The following SRSF11 variants were observed in gnomAD, a reference collection of about 807,000 sequenced individuals.
SRSF11 encodes the protein serine/arginine-rich splicing factor 11.
Under a neutral mutation model 56.0 loss-of-function variants are expected in SRSF11, and 9 were observed. That is an observed-to-expected ratio of 0.16 (90% CI 0.10 to 0.28). The LOEUF is 0.28. SRSF11 is among the 10% of genes least tolerant of loss of function. SRSF11 has a pLI of 1.00. For synonymous variants in SRSF11, 222 were observed against 215.3 expected, an observed-to-expected ratio of 1.03 and a Z score of -0.27; for missense variants, 421 against 600.7, an observed-to-expected ratio of 0.70 and a Z score of 3.13.
At chr1:70,243,336 CAAAAAAAAAAAAAAAAAA>C (rs56098296) in intron 7 of SRSF11, among the ~76,000 whole-genome samples, 1,376 of 32,604 alleles carry the variant, frequency 0.042, 67 homozygotes, top group Admixed American at 0.22. Context: ...TGGTTGGTGG[CAAAAAAAAAAAAAAAAAA>C]AAAAAAAAAA....
At chr1:70,233,918 A>T (rs1673389076) in intron 3 of SRSF11, among the ~76,000 whole-genome samples, 1 of 152,234 alleles carries the variant, frequency 6.6e-6, no homozygotes, top group Admixed American at 6.5e-5. Flanking sequence ...TCTAATGAAT[A>T]CAGGAATCAC....
At chr1:70,220,144 G>A (rs1274991668), upstream of SRSF11, among the ~76,000 whole-genome samples, 2 of 152,192 alleles carry the variant, frequency 1.3e-5, no homozygotes, top group East Asian at 3.8e-4. Context: ...ACAACTTTGA[G>A]TGATACATGT....
At chr1:70,216,542 C>T (rs1440322690), upstream of SRSF11, among the ~76,000 whole-genome samples, 2 of 151,974 alleles carry the variant, frequency 1.3e-5, no homozygotes, top group Admixed American at 1.3e-4. Flanking sequence ...AGGTGATCCT[C>T]CACTTCAGCC....
At chr1:70,236,375 A>G (rs1177086996) in intron 5 of SRSF11, among the ~76,000 whole-genome samples, 29 of 146,584 alleles carry the variant, frequency 2.0e-4, no homozygotes, top group African/African-American at 6.4e-4. Flanking sequence ...CTGTTGCCCA[A>G]CCTGGAGTGC....
At chr1:70,218,066 G>T (rs911546591), upstream of SRSF11, among the ~76,000 whole-genome samples, 3 of 151,998 alleles carry the variant, frequency 2.0e-5, no homozygotes, top group Non-Finnish European at 4.4e-5. Flanking sequence ...CTCGGTTCAC[G>T]CCATTCTCCC....
intron 2 of SRSF11, chr1:70,230,669 CTT>C: frequency 2.4e-6 from 3 of 1,229,500 alleles, no homozygotes; most frequent in South Asian, 1.4e-5. Context: ...TTTAAATAGT[CTT>C]TTTTTAATCA....
At chr1:70,216,213 A>G (rs917810281) in intron 1 of SRSF11, among the ~76,000 whole-genome samples, 6 of 152,212 alleles carry the variant, frequency 3.9e-5, no homozygotes, top group African/African-American at 1.4e-4. Context: ...ACGGATGTGT[A>G]TAAAGCCTCA....
upstream of SRSF11, among the ~76,000 whole-genome samples, chr1:70,220,639 C>G (rs1462791734): frequency 6.6e-6 from 1 of 152,106 alleles, no homozygotes; most frequent in Non-Finnish European, 1.5e-5. Flanking sequence ...CACCAGAGGT[C>G]AGGAGTTGGA....
At chr1:70,223,815 A>C (rs1458399736) in intron 1 of SRSF11, among the ~76,000 whole-genome samples, 1 of 152,192 alleles carries the variant, frequency 6.6e-6, no homozygotes, top group Admixed American at 6.5e-5. Flanking sequence ...AGTGGTCCAC[A>C]GGGTTCATCA....
chr1:70,231,212 TATG>T, intron 2 of SRSF11: 1 of 1,242,800 alleles, frequency 8.0e-7, no homozygotes, highest in African/African-American at 1.6e-5. Context: ...TTGTATGTTT[TATG>T]ATGAGATGCA....
intron 3 of SRSF11, among the ~76,000 whole-genome samples, chr1:70,233,768 A>G (rs1673351403): frequency 6.6e-6 from 1 of 152,252 alleles, no homozygotes; most frequent in Admixed American, 6.5e-5. Context: ...GTTTTAAAGT[A>G]GCCTCACTTT....
At chr1:70,219,651 C>T (rs1670333679), upstream of SRSF11, among the ~76,000 whole-genome samples, 1 of 152,142 alleles carries the variant, frequency 6.6e-6, no homozygotes, top group Non-Finnish European at 1.5e-5. Context: ...GGAACCAATC[C>T]CCCACAGATA....
At chr1:70,232,510 C>A (rs1673032600) in intron 3 of SRSF11, 133 bp downstream of exon 3, 3 of 645,626 alleles carry the variant, frequency 4.6e-6, no homozygotes, top group Admixed American at 6.3e-5. Context: ...ATATCAAAAT[C>A]ACAAATAGTA....
intron 7 of SRSF11, among the ~76,000 whole-genome samples, chr1:70,240,092 TC>T (rs1206237264): frequency 6.6e-6 from 1 of 152,202 alleles, no homozygotes; most frequent in Non-Finnish European, 1.5e-5. Context: ...AGCAGTTAGT[TC>T]AGCTCATAAC....
chr1:70,231,021 T>A, intron 2 of SRSF11: 1 of 1,285,814 alleles, frequency 7.8e-7, no homozygotes, highest in Non-Finnish European at 1.0e-6. Flanking sequence ...TTATCGGCAC[T>A]TCTCAGTATA....
chr1:70,237,755 G>A (rs147831907), intron 6 of SRSF11, among the ~76,000 whole-genome samples: 1,698 of 152,278 alleles, frequency 0.011, 18 homozygotes, highest in Non-Finnish European at 0.015. Context: ...GAGGGCAAAG[G>A]ACCAACATGT....
rs1571856125 is a variant in SRSF11, at chr1:70,239,564, T to G, written c.800+44T>G. ...CAATTATACCTTAGACAAAGATAATTTATATATGTCACATCTTTTTTAATT... is the reference window on the plus strand; with the variant it reads ...CAATTATACCTTAGACAAAGATAATGTATATATGTCACATCTTTTTTAATT... On this transcript the variant is annotated intron_variant, in intron 7 of 11. Coordinates refer to ENST00000370949, the MANE Select transcript of SRSF11 (RefSeq NM_001350605.2). 5.1e-6 allele frequency: 7 copies of G among 1,380,636 alleles called. No homozygotes were observed. The East Asian group carries it at 1.2e-4, about 23-fold the overall frequency. 85.5% of individuals were successfully genotyped at this position (1,380,636 alleles called of 1,614,324 possible). A position where few individuals can be genotyped will look rare whatever the true frequency, so the allele number is the denominator to read the frequency against.
intron 2 of SRSF11, chr1:70,230,183 AG>A (rs1672578840): frequency 1.0e-6 from 1 of 983,782 alleles, no homozygotes; most frequent in African/African-American, 1.7e-5. Context: ...TTCAGGCCAT[AG>A]TAATTTTTCT....
At chr1:70,218,214 C>A (rs1378345176), upstream of SRSF11, among the ~76,000 whole-genome samples, 1 of 152,092 alleles carries the variant, frequency 6.6e-6, no homozygotes, top group Non-Finnish European at 1.5e-5. Context: ...GTGATCCGCC[C>A]GCCTTGGCCT....
Sources: gnomAD v4.1 joint callset for allele counts (sites outside exome capture counted in the v4.1 genomes callset) on GRCh38, gnomAD v4.1.1 for gene constraint, MANE v1.5 for transcripts, NCBI Gene and HGNC (gene_info 2026-07-23, HGNC 2026-07-21) for gene names.